TET1: variants seen among roughly 807,000 people sequenced by gnomAD.
The protein encoded by TET1 is tet methylcytosine dioxygenase 1.
Under a neutral mutation model 148.7 loss-of-function variants are expected in TET1, and 13 were observed. That is an observed-to-expected ratio of 0.09 (90% CI 0.06 to 0.14). The LOEUF is 0.14. TET1 is among the 10% of genes least tolerant of loss of function. The pLI is 1.00. For synonymous variants in TET1, 907 were observed against 937.2 expected (o/e 0.97, Z 0.59); for missense variants, 2,182 against 2,553.8 (o/e 0.85, Z 3.14).
chr10:68,611,408 T>C (rs978354186), intron 3 of TET1, among the ~76,000 whole-genome samples: 1 of 151,858 alleles, frequency 6.6e-6, no homozygotes, highest in African/African-American at 2.4e-5. Context: ...ACTATGGAGC[T>C]CAAGACCGTG....
At chr10:68,670,368 C>A (rs2055256611) in intron 7 of TET1, among the ~76,000 whole-genome samples, 1 of 152,188 alleles carries the variant, frequency 6.6e-6, no homozygotes, top group South Asian at 2.1e-4. Context: ...ATTCTATAGA[C>A]TGTTAATCAA....
At chr10:68,654,717 G>A (rs559442735) in intron 6 of TET1, among the ~76,000 whole-genome samples, 1 of 152,320 alleles carries the variant, frequency 6.6e-6, no homozygotes, top group South Asian at 2.1e-4. Flanking sequence ...AGGAGCTGAG[G>A]TTTTAGCCCA....
chr10:68,569,423 C>T (rs2053642886), intron 1 of TET1, among the ~76,000 whole-genome samples: 6 of 152,018 alleles, frequency 3.9e-5, no homozygotes, highest in Admixed American at 1.3e-4. Flanking sequence ...ATCCGCCCAC[C>T]TCGGCCTCCC....
intron 6 of TET1, among the ~76,000 whole-genome samples, chr10:68,654,991 T>TC (rs1336150777): frequency 6.6e-6 from 1 of 152,140 alleles, no homozygotes; most frequent in African/African-American, 2.4e-5. Context: ...CAGCTTGGTT[T>TC]CCCCCAGAGT....
At chr10:68,627,768 AAAT>A (rs2054507869) in intron 3 of TET1, among the ~76,000 whole-genome samples, 1 of 151,034 alleles carries the variant, frequency 6.6e-6, no homozygotes, top group Non-Finnish European at 1.5e-5. Context: ...TCTACCAAAA[AAAT>A]AAAAAAATAC....
intron 3 of TET1, among the ~76,000 whole-genome samples, chr10:68,612,475 A>C (rs2054230949): frequency 6.6e-6 from 1 of 152,132 alleles, no homozygotes; most frequent in South Asian, 2.1e-4. Flanking sequence ...TGGAGAATCC[A>C]CTGATCCCCG....
chr10:68,682,369 C>T (rs907741889), intron 9 of TET1, among the ~76,000 whole-genome samples: 2 of 152,148 alleles, frequency 1.3e-5, no homozygotes, highest in African/African-American at 4.8e-5. Context: ...GCCTCAGCCT[C>T]CCAAACTGCT....
At chr10:68,630,328 T>C (rs2054551057) in intron 3 of TET1, among the ~76,000 whole-genome samples, 1 of 152,220 alleles carries the variant, frequency 6.6e-6, no homozygotes, top group African/African-American at 2.4e-5. Context: ...TGTTGTTGTT[T>C]TGACACGGAG....
intron 4 of TET1, among the ~76,000 whole-genome samples, chr10:68,651,498 C>T (rs1232848432): frequency 1.3e-5 from 2 of 151,908 alleles, no homozygotes; most frequent in Non-Finnish European, 2.9e-5. Context: ...TAAGGGCAAC[C>T]TTTAACATTT....
intron 2 of TET1, among the ~76,000 whole-genome samples, chr10:68,585,334 A>C (rs1303335033): frequency 6.6e-6 from 1 of 152,056 alleles, no homozygotes; most frequent in Middle Eastern, 3.4e-3. Context: ...TGATTTCACC[A>C]TGTTGACCAG....
chr10:68,581,728 C>T (rs1413265119), intron 2 of TET1, among the ~76,000 whole-genome samples: 1 of 151,958 alleles, frequency 6.6e-6, no homozygotes, highest in African/African-American at 2.4e-5. Flanking sequence ...GCCTATAGTA[C>T]CAGCTTCTCG....
At chr10:68,608,181 G>A (rs1395391981) in intron 3 of TET1, among the ~76,000 whole-genome samples, 1 of 152,072 alleles carries the variant, frequency 6.6e-6, no homozygotes, top group African/African-American at 2.4e-5. Context: ...ACCCTCCTTG[G>A]CCTCCCAAAG....
At position 68,564,617 on chromosome 10, in the gene TET1, A is replaced by G. The variant is rs1468555396; in HGVS notation, c.-123+3875A>G. 3.3e-5 allele frequency among the ~76,000 whole-genome samples: 5 copies of G among 152,208 alleles called. No individual in the cohort carries two copies. In the East Asian group the frequency reaches 9.6e-4, roughly 29 times the overall value. On this transcript the variant is annotated intron_variant, in intron 1 of 11. Coordinates refer to ENST00000373644, the MANE Select transcript of TET1 (RefSeq NM_030625.3). ...TTGCACATGATTCCCTTCTTGGCCAATGATAGATGCTTAATAACAGGGTCT... is the reference window on the plus strand; with the variant it reads ...TTGCACATGATTCCCTTCTTGGCCAGTGATAGATGCTTAATAACAGGGTCT...
At chr10:68,596,299 T>C (rs554959915) in intron 2 of TET1, among the ~76,000 whole-genome samples, 1 of 152,070 alleles carries the variant, frequency 6.6e-6, no homozygotes, top group Admixed American at 6.6e-5. Flanking sequence ...GCTGTATAGA[T>C]GGTTAGAAGT....
chr10:68,676,240 A>G (rs1416414993), intron 8 of TET1, among the ~76,000 whole-genome samples: 37 of 16,952 alleles, frequency 2.2e-3, no homozygotes, highest in South Asian at 0.015. Context: ...GTATGTGTAT[A>G]TATATATATA....
In TET1 at chr10:68,595,975, C is replaced by G. The variant is rs868620810; in HGVS notation, c.1915-5006C>G. Among the ~76,000 whole-genome samples the G allele has an allele frequency of 1.5e-4, 7 of 45,798 alleles. No individual in the cohort carries two copies. The East Asian group carries it at 4.4e-3, about 29-fold the overall frequency. The allele number at this position is 45,798 out of a possible 152,430, so 30.0% of individuals were successfully genotyped here. A position where few individuals can be genotyped will look rare whatever the true frequency, so the allele number is the denominator to read the frequency against. ...ATATATATATATACACACACACACA[C>G]ACATATATACACACACACACACACA... On this transcript the variant is annotated intron_variant, in intron 2 of 11. Transcript: ENST00000373644.
Position 68,630,167 on chromosome 10 carries a change from C to T in TET1, c.1969-14531C>T, listed in dbSNP as rs762227081. 1.6e-4 allele frequency among the ~76,000 whole-genome samples: 25 copies of T among 152,226 alleles called. 2 individuals are homozygous for T. Among genetic ancestry groups the T allele is most frequent in the African/African-American group, 5.8e-4 (24 of 41,536 alleles). ...TGGATGGAAGAGGTGCTAAGTAGAT[C>T]GACTCTGCTGAACTTGGTGGCTGAA... On this transcript the variant is annotated intron_variant, in intron 3 of 11. Transcript: ENST00000373644.
At chr10:68,613,396 T>A (rs1164311726) in intron 3 of TET1, among the ~76,000 whole-genome samples, 2 of 152,192 alleles carry the variant, frequency 1.3e-5, no homozygotes, top group Non-Finnish European at 2.9e-5. Context: ...AGGTAGGTTG[T>A]CCAATCTATG....
At chr10:68,628,476 A>G (rs1048280899) in intron 3 of TET1, among the ~76,000 whole-genome samples, 11 of 152,228 alleles carry the variant, frequency 7.2e-5, no homozygotes, top group African/African-American at 2.4e-4. Context: ...CAAATAAAAC[A>G]ATTTTGAGCC....
Sources: allele counts gnomAD v4.1 joint callset (sites outside exome capture counted in the v4.1 genomes callset), GRCh38; gene constraint gnomAD v4.1.1; transcripts MANE v1.5; gene names NCBI Gene and HGNC (gene_info 2026-07-23, HGNC 2026-07-21).